Variants in LRRC49 observed in about 807,000 individuals in gnomAD.
LRRC49 encodes the protein leucine rich repeat containing 49, also known as leucine-rich repeat-containing protein 49.
A neutral mutation model predicts 83.3 loss-of-function variants in LRRC49; 50 were observed. The ratio of observed to expected loss-of-function variants is 0.60; its 90% confidence interval spans 0.48 to 0.76. The LOEUF is 0.76. Among genes scored for constraint, LRRC49 ranks in the 30% least tolerant of loss-of-function variants. The probability of loss-of-function intolerance (pLI) is 0.00; values close to 1 mark genes in which losing one functional copy is unlikely to be tolerated. For synonymous variants in LRRC49, 286 were observed against 283.3 expected, an observed-to-expected ratio of 1.01 and a Z score of -0.10; for missense variants, 704 against 809.1, an observed-to-expected ratio of 0.87 and a Z score of 1.58.
intron 9 of LRRC49, among the ~76,000 whole-genome samples, chr15:70,971,068 G>T (rs1274392403): frequency 1.3e-5 from 2 of 152,092 alleles, no homozygotes; most frequent in East Asian, 3.8e-4. Flanking sequence ...TCTTTCAATT[G>T]TGATGTTAGG....
At chr15:70,927,952 C>G (rs2035269565) in intron 7 of LRRC49, among the ~76,000 whole-genome samples, 1 of 152,040 alleles carries the variant, frequency 6.6e-6, no homozygotes, top group South Asian at 2.1e-4. Context: ...CCCAGCCAGT[C>G]ATCCATTTTT....
chr15:70,867,574 C>T (rs956364607), intron 1 of LRRC49, among the ~76,000 whole-genome samples: 5 of 152,108 alleles, frequency 3.3e-5, no homozygotes, highest in Admixed American at 2.0e-4. Context: ...AAAGGTTATA[C>T]GGCTGGGATA....
chr15:70,979,262 A>T (rs1420055109), intron 9 of LRRC49, among the ~76,000 whole-genome samples: 1 of 152,076 alleles, frequency 6.6e-6, no homozygotes, highest in African/African-American at 2.4e-5. Flanking sequence ...GTTTGGGATT[A>T]TGACTGATTT....
At chr15:71,005,734 G>T (rs151288510) in intron 11 of LRRC49, among the ~76,000 whole-genome samples, 213 of 152,254 alleles carry the variant, frequency 1.4e-3, no homozygotes, top group Middle Eastern at 3.4e-3. Flanking sequence ...GTGTTTTGTA[G>T]ATAGTGGGCT....
chr15:70,863,129 A>G (rs2032831391), intron 1 of LRRC49, among the ~76,000 whole-genome samples: 1 of 152,236 alleles, frequency 6.6e-6, no homozygotes, highest in Non-Finnish European at 1.5e-5. Flanking sequence ...GCCCTGGTTC[A>G]GGCCTGCCTA....
chr15:70,883,043 G>C, intron 2 of LRRC49: 2 of 786,216 alleles, frequency 2.5e-6, no homozygotes, highest in Non-Finnish European at 3.9e-6. Flanking sequence ...TTTGAACCTA[G>C]GCAAGGTGAA....
At chr15:70,935,466 C>T (rs2035562313) in intron 7 of LRRC49, among the ~76,000 whole-genome samples, 1 of 152,018 alleles carries the variant, frequency 6.6e-6, no homozygotes, top group Admixed American at 6.6e-5. Flanking sequence ...AAAATAAATA[C>T]AGCATTTTGG....
At chr15:70,956,565 C>T (rs1409178735) in intron 8 of LRRC49, among the ~76,000 whole-genome samples, 1 of 149,578 alleles carries the variant, frequency 6.7e-6, no homozygotes, top group Non-Finnish European at 1.5e-5. Flanking sequence ...CAGTATTTCA[C>T]TATACTTACT....
chr15:71,032,794 A>G (rs1009150895), intron 14 of LRRC49, among the ~76,000 whole-genome samples: 1 of 152,120 alleles, frequency 6.6e-6, no homozygotes, highest in Admixed American at 6.5e-5. Context: ...AGAAAAGGCC[A>G]TTAATAAAAT....
chr15:70,858,901 T>A (rs1192603978), intron 1 of LRRC49: 1 of 765,606 alleles, frequency 1.3e-6, no homozygotes, highest in Non-Finnish European at 2.4e-6. Context: ...ATGGGAGGCA[T>A]CACCGCTGTC....
At chr15:70,999,420 T>G (rs1257896571) in intron 11 of LRRC49, among the ~76,000 whole-genome samples, 1 of 152,198 alleles carries the variant, frequency 6.6e-6, no homozygotes, top group Admixed American at 6.5e-5. Context: ...ATCTCTGTTC[T>G]TTTAGCTTAG....
At chr15:70,935,245 T>A (rs1255226649) in intron 7 of LRRC49, among the ~76,000 whole-genome samples, 1 of 152,208 alleles carries the variant, frequency 6.6e-6, no homozygotes, top group Non-Finnish European at 1.5e-5. Flanking sequence ...AAATGAATGG[T>A]ATACATAGCC....
chr15:70,907,427 C>T (rs2034360111), intron 5 of LRRC49: 1 of 152,384 alleles, frequency 6.6e-6, no homozygotes, highest in African/African-American at 2.4e-5. Context: ...AACTCCCGAC[C>T]CCACATTGCT....
chr15:70,885,842 A>G (rs1221343149), intron 2 of LRRC49, among the ~76,000 whole-genome samples: 2 of 152,226 alleles, frequency 1.3e-5, no homozygotes, highest in African/African-American at 2.4e-5. Flanking sequence ...TTTAAACATG[A>G]TTAATAGACA....
At chr15:71,038,516 T>C (rs1208195105) in intron 15 of LRRC49, among the ~76,000 whole-genome samples, 7 of 152,072 alleles carry the variant, frequency 4.6e-5, no homozygotes, top group African/African-American at 1.7e-4. Flanking sequence ...CTGAAGTGTC[T>C]CTTTGGAACC....
intron 6 of LRRC49, among the ~76,000 whole-genome samples, chr15:70,915,689 T>C (rs1456614159): frequency 1.3e-5 from 2 of 152,326 alleles, no homozygotes; most frequent in South Asian, 2.1e-4. Flanking sequence ...TTCTATCACC[T>C]GTTTAGTTTT....
chr15:70,980,226 GAC>G (rs747923911), intron 10 of LRRC49, 42 bp downstream of exon 10: 1 of 1,394,002 alleles, frequency 7.2e-7, no homozygotes, highest in Non-Finnish European at 1.0e-6. Flanking sequence ...TGCACACGTA[GAC>G]ACACATACCC....
chr15:70,879,308 T>C (rs2033214333), intron 2 of LRRC49, among the ~76,000 whole-genome samples: 1 of 152,270 alleles, frequency 6.6e-6, no homozygotes, highest in African/African-American at 2.4e-5. Flanking sequence ...AAAGTTCTTG[T>C]CTGCCAGTTC....
chr15:70,994,657 T>C (rs541328500), intron 11 of LRRC49, among the ~76,000 whole-genome samples: 1 of 152,104 alleles, frequency 6.6e-6, no homozygotes, highest in South Asian at 2.1e-4. Flanking sequence ...GTATTTTTTG[T>C]AGAGATGGAG....
Sources: allele counts gnomAD v4.1 joint callset (sites outside exome capture counted in the v4.1 genomes callset), GRCh38; gene constraint gnomAD v4.1.1; transcripts MANE v1.5; gene names NCBI Gene and HGNC (gene_info 2026-07-23, HGNC 2026-07-21).